The following FAM117B variants were observed in gnomAD, a reference collection of about 807,000 sequenced individuals.
The protein encoded by FAM117B is protein FAM117B.
In FAM117B, 22 loss-of-function variants were observed where a neutral mutation model predicts 52.8. The ratio of observed to expected loss-of-function variants is 0.42; its 90% CI spans 0.30 to 0.59. The LOEUF (loss-of-function observed/expected upper bound fraction) is 0.59, where lower values mean the gene tolerates loss of function less well. Ranked by LOEUF, FAM117B falls within the 20% of genes least tolerant of loss-of-function variation. FAM117B has a pLI of 0.22. For missense variants in FAM117B, 678 were observed against 802.6 expected (o/e 0.84, Z 1.88); for synonymous variants, 309 against 324.1 (o/e 0.95, Z 0.50).
At chr2:202,734,850 T>C (rs1691415121) in intron 4 of FAM117B, among the ~76,000 whole-genome samples, 1 of 152,246 alleles carries the variant, frequency 6.6e-6, no homozygotes, top group Admixed American at 6.5e-5. Context: ...CTTTTATTAT[T>C]ACAAAAGTAC....
intron 2 of FAM117B, among the ~76,000 whole-genome samples, chr2:202,719,607 T>A (rs1022420216): frequency 1.3e-5 from 2 of 152,180 alleles, no homozygotes; most frequent in African/African-American, 4.8e-5. Flanking sequence ...CAGGGACTTT[T>A]AAAAATACCA....
At position 202,695,897 on chromosome 2, in the gene FAM117B, G is replaced by A; in HGVS notation, c.618G>A (p.Gln206=). 1 of 1,603,110 alleles carries A rather than the reference G, an allele frequency of 6.2e-7. No homozygotes were observed. Among genetic ancestry groups the A allele is most frequent in the Non-Finnish European group, 8.5e-7 (1 of 1,174,626 alleles). The change falls in exon 2 of 8, where the codon CAG becomes CAA. Residue 206 remains glutamine (Q), a synonymous_variant. Transcript: ENST00000392238. The stretch of plus-strand genomic sequence containing the variant: ...TAAATCTAGGTGACAAAACACGACA[G>A]CCTTCTTCAAGCCCCTCCAGTATTA... ...PVCKAGDKTR[Q]PSSSPSSIIR...
At chr2:202,656,290 A>C (rs1280616122) in intron 1 of FAM117B, among the ~76,000 whole-genome samples, 2 of 152,062 alleles carry the variant, frequency 1.3e-5, no homozygotes, top group African/African-American at 2.4e-5. Flanking sequence ...CTGGTTTCTC[A>C]GATGGAAGCT....
intron 4 of FAM117B, among the ~76,000 whole-genome samples, chr2:202,727,057 G>T (rs1691256201): frequency 7.0e-6 from 1 of 142,964 alleles, no homozygotes; most frequent in Non-Finnish European, 1.6e-5. Context: ...TCCATCCAAA[G>T]AACACTTTTT....
At chr2:202,721,093 A>G (rs1308674005) in intron 2 of FAM117B, among the ~76,000 whole-genome samples, 1 of 152,202 alleles carries the variant, frequency 6.6e-6, no homozygotes, top group African/African-American at 2.4e-5. Flanking sequence ...ATTCCCTCTT[A>G]TCTCTAAGGG....
intron 7 of FAM117B, 98 bp from the exon 8 acceptor site, chr2:202,765,348 T>G: frequency 8.2e-7 from 1 of 1,214,792 alleles, no homozygotes; most frequent in South Asian, 1.5e-5. Context: ...AAGTTAACTG[T>G]TTTTAAAAAA....
intron 1 of FAM117B, among the ~76,000 whole-genome samples, chr2:202,636,055 T>C (rs1689681946): frequency 7.0e-6 from 1 of 143,438 alleles, no homozygotes; most frequent in Non-Finnish European, 1.5e-5. Flanking sequence ...CGGCTAAACC[T>C]TGGGCTTGAG....
chr2:202,696,121 A>G (rs1690708841), intron 2 of FAM117B, 89 bp downstream of exon 2: 2 of 1,362,826 alleles, frequency 1.5e-6, no homozygotes, highest in Admixed American at 4.5e-5. Context: ...TAGAACAAAC[A>G]TTTAGTGTAT....
Position 202,644,057 on chromosome 2 carries a change from TTTTTTTG to T in FAM117B, c.601+8276_601+8282del, listed in dbSNP as rs1465687152. Among the ~76,000 whole-genome samples the T allele has an allele frequency of 1.8e-4, 24 of 134,704 alleles. 1 individual carries two copies. The highest frequency in any genetic ancestry group is 6.2e-4 in the African/African-American group (21 of 34,100). The allele number at this position is 134,704 out of a possible 152,430, so 88.4% of individuals were successfully genotyped here. On this transcript the variant is annotated intron_variant, in intron 1 of 7. Coordinates refer to ENST00000392238, the MANE Select transcript of FAM117B (RefSeq NM_173511.4). The stretch of plus-strand genomic sequence containing the variant: ...TATACTACTGCTTTAGGAGCTGTTT[TTTTTTTG>T]TTTTTTTTTTTTTTTTTTTTCAGTT...
chr2:202,643,962 G>C (rs910640540), intron 1 of FAM117B, among the ~76,000 whole-genome samples: 5 of 151,364 alleles, frequency 3.3e-5, no homozygotes, highest in African/African-American at 1.2e-4. Context: ...CACCCGCCTT[G>C]GCCTCCCAAA....
Position 202,755,519 on chromosome 2 carries a change from T to C in FAM117B, c.961-19T>C, listed in dbSNP as rs1477794642. The C allele has an allele frequency of 6.2e-7, 1 of 1,612,718 alleles. No individual in the cohort carries two copies. The highest frequency in any genetic ancestry group is 8.5e-7 in the Non-Finnish European group (1 of 1,179,446). ...AAAAGGTAATGTTAAGCCTCTCTTCTCCATCCCATTTTCTTAAGGCTCCTG... is the reference window on the plus strand; with the variant it reads ...AAAAGGTAATGTTAAGCCTCTCTTCCCCATCCCATTTTCTTAAGGCTCCTG... On this transcript the variant is annotated intron_variant, in intron 4 of 7. Transcript: ENST00000392238.
At chr2:202,685,295 A>G (rs1298349295) in intron 1 of FAM117B, among the ~76,000 whole-genome samples, 1 of 152,158 alleles carries the variant, frequency 6.6e-6, no homozygotes, top group Non-Finnish European at 1.5e-5. Context: ...AATTATCTCA[A>G]TTTATACAGA....
intron 1 of FAM117B, among the ~76,000 whole-genome samples, chr2:202,671,830 T>A (rs1335347085): frequency 1.3e-5 from 2 of 152,188 alleles, no homozygotes; most frequent in Non-Finnish European, 2.9e-5. Context: ...CAGAAATTGT[T>A]GTGACTTAGC....
chr2:202,642,390 T>C (rs1344626597), intron 1 of FAM117B, among the ~76,000 whole-genome samples: 1 of 149,542 alleles, frequency 6.7e-6, no homozygotes, highest in East Asian at 1.9e-4. Context: ...TGACTTGAGA[T>C]AGGAGAAACT....
At chr2:202,685,516 T>C (rs776335913) in intron 1 of FAM117B, among the ~76,000 whole-genome samples, 3 of 152,200 alleles carry the variant, frequency 2.0e-5, no homozygotes, top group Non-Finnish European at 2.9e-5. Context: ...CTAAAATTTA[T>C]ATGAAACTGC....
At chr2:202,682,920 G>T (rs997419402) in intron 1 of FAM117B, among the ~76,000 whole-genome samples, 1 of 152,152 alleles carries the variant, frequency 6.6e-6, no homozygotes, top group African/African-American at 2.4e-5. Context: ...ATTATAGTAG[G>T]AAGAAAGGTC....
chr2:202,703,284 T>A (rs1243852336), intron 2 of FAM117B, among the ~76,000 whole-genome samples: 3 of 152,236 alleles, frequency 2.0e-5, no homozygotes, highest in Non-Finnish European at 4.4e-5. Context: ...TTTGTTTTCC[T>A]GCATCTGACT....
At chr2:202,722,054 G>A (rs1023753688) in intron 2 of FAM117B, among the ~76,000 whole-genome samples, 1 of 136,450 alleles carries the variant, frequency 7.3e-6, no homozygotes, top group Admixed American at 8.1e-5. Context: ...ACTGTCGCCC[G>A]GGCTAGAGTG....
At chr2:202,716,764 A>G (rs1186179056) in intron 2 of FAM117B, among the ~76,000 whole-genome samples, 4 of 152,098 alleles carry the variant, frequency 2.6e-5, no homozygotes, top group Non-Finnish European at 1.5e-5. Flanking sequence ...CTTCAAGCTC[A>G]CTAATTCTTT....
Sources: allele counts gnomAD v4.1 joint callset (sites outside exome capture counted in the v4.1 genomes callset), GRCh38; gene constraint gnomAD v4.1.1; transcripts MANE v1.5; gene names NCBI Gene and HGNC (gene_info 2026-07-23, HGNC 2026-07-21).